SLC9A9: variants seen among roughly 807,000 people sequenced by gnomAD.
The protein encoded by SLC9A9 is solute carrier family 9 member A9, also known as sodium/hydrogen exchanger 9.
SLC9A9 carries 62 observed loss-of-function variants against 77.8 expected under a neutral mutation model. That is an observed-to-expected ratio of 0.80 (90% CI 0.65 to 0.98). The LOEUF (loss-of-function observed/expected upper bound fraction) is 0.98. SLC9A9 is among the 50% of genes least tolerant of loss of function. The probability of loss-of-function intolerance (pLI) is 0.00; values close to 1 mark genes in which losing one functional copy is unlikely to be tolerated. For synonymous variants in SLC9A9, 320 were observed against 283.5 expected, an observed-to-expected ratio of 1.13 and a Z score of -1.29; for missense variants, 775 against 774.9, an observed-to-expected ratio of 1.00 and a Z score of 0.00.
intron 4 of SLC9A9, among the ~76,000 whole-genome samples, chr3:143,794,274 T>C (rs1295172898): frequency 6.6e-6 from 1 of 152,126 alleles, no homozygotes; most frequent in Non-Finnish European, 1.5e-5. Flanking sequence ...GTTGACTGTA[T>C]CAGATAATTG....
chr3:143,729,053 A>G (rs866710818), intron 4 of SLC9A9, among the ~76,000 whole-genome samples: 12 of 152,098 alleles, frequency 7.9e-5, no homozygotes, highest in African/African-American at 2.7e-4. Context: ...GCCAACACCC[A>G]GTTATCCTAC....
chr3:143,578,514 T>C (rs2037400486), intron 7 of SLC9A9, 71 bp downstream of exon 7: 1 of 1,608,856 alleles, frequency 6.2e-7, no homozygotes. Flanking sequence ...AGGTTGTCCA[T>C]CATCAGAAAT....
At chr3:143,461,659 A>G (rs922206763) in intron 12 of SLC9A9, among the ~76,000 whole-genome samples, 3 of 152,192 alleles carry the variant, frequency 2.0e-5, no homozygotes, top group African/African-American at 7.2e-5. Context: ...GGGAGGCACA[A>G]TTAGGACCTG....
At chr3:143,565,644 T>C (rs1021366453) in intron 8 of SLC9A9, among the ~76,000 whole-genome samples, 13 of 152,130 alleles carry the variant, frequency 8.5e-5, no homozygotes, top group African/African-American at 3.1e-4. Flanking sequence ...GCTGGTTAAC[T>C]AATCCCCTTG....
At chr3:143,744,306 C>A (rs559571272) in intron 4 of SLC9A9, among the ~76,000 whole-genome samples, 121 of 152,294 alleles carry the variant, frequency 7.9e-4, no homozygotes, top group Middle Eastern at 3.4e-3. Flanking sequence ...CTCTTTAGAA[C>A]CCTGGGCATA....
intron 9 of SLC9A9, among the ~76,000 whole-genome samples, chr3:143,551,397 C>G (rs1576571762): frequency 6.6e-6 from 1 of 152,234 alleles, no homozygotes; most frequent in African/African-American, 2.4e-5. Flanking sequence ...TCTCTGCTGT[C>G]ACTGTATCCC....
chr3:143,719,444 T>G (rs1395954942), intron 4 of SLC9A9, among the ~76,000 whole-genome samples: 3 of 152,008 alleles, frequency 2.0e-5, no homozygotes, highest in South Asian at 4.1e-4. Context: ...AAGTAGGGCC[T>G]TTCAGGGATG....
intron 13 of SLC9A9, among the ~76,000 whole-genome samples, chr3:143,375,596 T>C (rs1338674446): frequency 1.3e-5 from 2 of 152,162 alleles, no homozygotes; most frequent in Admixed American, 6.5e-5. Context: ...AAGTCATCCC[T>C]ATTAAGGTTA....
chr3:143,349,654 G>C (rs1213109235), intron 14 of SLC9A9, among the ~76,000 whole-genome samples: 1 of 152,176 alleles, frequency 6.6e-6, no homozygotes, highest in Non-Finnish European at 1.5e-5. Flanking sequence ...ACAAAGATCT[G>C]AACCTAGCTA....
rs1412556172 is a variant in SLC9A9, at chr3:143,373,526, A to ACTAAAATCTCAGACTTCAC, written c.1524+8515_1524+8533dup. On this transcript the variant is annotated intron_variant, in intron 13 of 15. Transcript: ENST00000316549. ...TGTATACCACTCCAGTGATGGGTGC[A>ACTAAAATCTCAGACTTCAC]CTAAAATCTCAGACTTCACCACTAT... is the stretch of plus-strand genomic sequence containing the variant. Among the ~76,000 whole-genome samples, 3 of 151,042 alleles carry ACTAAAATCTCAGACTTCAC rather than the reference A, an allele frequency of 2.0e-5. No homozygotes were observed. In the Admixed American group the frequency reaches 2.0e-4, roughly 10 times the overall value.
intron 12 of SLC9A9, among the ~76,000 whole-genome samples, chr3:143,433,205 CAA>C (rs2034557185): frequency 6.6e-6 from 1 of 152,140 alleles, no homozygotes; most frequent in Admixed American, 6.5e-5. Flanking sequence ...GTTCATGTAA[CAA>C]AGTTTTCTTT....
intron 12 of SLC9A9, among the ~76,000 whole-genome samples, chr3:143,393,234 A>G (rs548519497): frequency 9.2e-5 from 14 of 152,352 alleles, no homozygotes; most frequent in African/African-American, 2.9e-4. Context: ...AACAGAAATT[A>G]TAACAAACTG....
intron 6 of SLC9A9, among the ~76,000 whole-genome samples, chr3:143,640,036 T>G (rs2038595942): frequency 9.4e-6 from 1 of 106,162 alleles, no homozygotes; most frequent in Non-Finnish European, 2.0e-5. Context: ...TTTTTTTTTT[T>G]TTTGAGATGG....
At chr3:143,461,478 T>C (rs1034035795) in intron 12 of SLC9A9, among the ~76,000 whole-genome samples, 2 of 152,222 alleles carry the variant, frequency 1.3e-5, no homozygotes, top group African/African-American at 4.8e-5. Flanking sequence ...GGTACTGTTA[T>C]AGCAATATTT....
At chr3:143,501,307 A>C (rs142757964) in intron 9 of SLC9A9, among the ~76,000 whole-genome samples, 1 of 151,002 alleles carries the variant, frequency 6.6e-6, no homozygotes, top group African/African-American at 2.5e-5. Context: ...GAAATAAAGG[A>C]TAAATCTAGC....
At chr3:143,350,889 C>T (rs1352923084) in intron 14 of SLC9A9, among the ~76,000 whole-genome samples, 1 of 152,170 alleles carries the variant, frequency 6.6e-6, no homozygotes, top group Non-Finnish European at 1.5e-5. Flanking sequence ...TGCTATTAGT[C>T]AAATTCCATC....
chr3:143,451,152 C>A (rs1173149217), intron 12 of SLC9A9, among the ~76,000 whole-genome samples: 4 of 150,896 alleles, frequency 2.7e-5, no homozygotes, highest in Non-Finnish European at 1.5e-5. Context: ...CTAGCACTGG[C>A]AAGAGTGTTA....
rs577393078 is a variant in SLC9A9 at position 143,419,703 on chromosome 3, G to A, written c.1470-37589C>T. ...ATATCCCCAGAACTCACAGTCTAGC[G>A]GGGGATCCAGATAAATGAACAGGCA... On this transcript the variant is annotated intron_variant, in intron 12 of 15. Coordinates refer to ENST00000316549, the MANE Select transcript of SLC9A9 (RefSeq NM_173653.4). Among the ~76,000 whole-genome samples the A allele has an allele frequency of 1.5e-3, 227 of 152,238 alleles. 1 individual carries two copies. The highest frequency in any genetic ancestry group is 5.2e-3 in the African/African-American group (214 of 41,536).
chr3:143,510,085 G>T (rs1576544474), intron 9 of SLC9A9, among the ~76,000 whole-genome samples: 1 of 152,154 alleles, frequency 6.6e-6, no homozygotes, highest in African/African-American at 2.4e-5. Flanking sequence ...ATGAAAGAAA[G>T]TTGATGTTTT....
Sources: allele counts gnomAD v4.1 joint callset (sites outside exome capture counted in the v4.1 genomes callset), GRCh38; gene constraint gnomAD v4.1.1; transcripts MANE v1.5; gene names NCBI Gene and HGNC (gene_info 2026-07-23, HGNC 2026-07-21).